DNM3: variants seen among roughly 807,000 people sequenced by gnomAD.
The protein encoded by DNM3 is dynamin 3, also known as dynamin-3.
Under a neutral mutation model 101.6 loss-of-function variants are expected in DNM3, and 47 were observed. The observed-to-expected ratio is 0.46, with a 90% confidence interval of 0.37 to 0.59. The LOEUF (loss-of-function observed/expected upper bound fraction) is 0.59. Among genes scored for constraint, DNM3 ranks in the 20% least tolerant of loss-of-function variants. The pLI is 0.00. For missense variants in DNM3, 849 were observed against 1,085.7 expected (o/e 0.78, Z 3.06); for synonymous variants, 385 against 387.9 (o/e 0.99, Z 0.09).
rs552539404 is a variant in DNM3 at position 172,411,536 on chromosome 1, A to G, written c.*3695A>G. 1 of 969,460 alleles carries G rather than the reference A, an allele frequency of 1.0e-6. No individual in the cohort carries two copies. Among genetic ancestry groups the G allele is most frequent in the African/African-American group, 1.8e-5 (1 of 55,864 alleles). The allele number at this position is 969,460 out of a possible 1,614,324, so 60.1% of individuals were successfully genotyped here. A position where few individuals can be genotyped will look rare whatever the true frequency, so the allele number is the denominator to read the frequency against. On this transcript the variant is annotated 3_prime_UTR_variant, in exon 21 of 21. Coordinates refer to ENST00000627582, the MANE Select transcript of DNM3 (RefSeq NM_015569.5). ...ATAGTCATTTTTCCTCTATGGTAGA[A>G]GTAAAAAAAAAAAAAAAGGACATAG...
At chr1:172,286,399 G>A (rs2063703460) in intron 15 of DNM3, among the ~76,000 whole-genome samples, 2 of 151,860 alleles carry the variant, frequency 1.3e-5, no homozygotes, top group Admixed American at 6.6e-5. Context: ...TCATTGCTTT[G>A]CGCTAAATGA....
intron 14 of DNM3, among the ~76,000 whole-genome samples, chr1:172,218,959 G>A (rs1379138866): frequency 6.6e-6 from 1 of 152,104 alleles, no homozygotes; most frequent in Non-Finnish European, 1.5e-5. Context: ...TCATGTGCAT[G>A]CATTATTAAT....
chr1:172,009,038 A>AAATTTATATATTATATAATATATTATATG (rs1558413730), intron 4 of DNM3, among the ~76,000 whole-genome samples: 8 of 131,614 alleles, frequency 6.1e-5, no homozygotes, highest in African/African-American at 2.3e-4. Context: ...TATACAATAT[A>AAATTTATATATTATATAATATATTATATG]TATTTATATA....
At chr1:171,875,998 A>G (rs1352741051) in intron 1 of DNM3, among the ~76,000 whole-genome samples, 1 of 151,608 alleles carries the variant, frequency 6.6e-6, no homozygotes, top group Admixed American at 6.6e-5. Context: ...TTTAGTAGAG[A>G]CGGAGTTTTA....
rs546166949 is a variant in DNM3 at position 171,917,993 on chromosome 1, A to C, written c.162-3755A>C. 8.5e-5 allele frequency among the ~76,000 whole-genome samples: 13 copies of C among 152,304 alleles called. No individual in the cohort carries two copies. In the South Asian group the frequency reaches 2.7e-3, roughly 32 times the overall value. On this transcript the variant is annotated intron_variant, in intron 1 of 20. Coordinates refer to ENST00000627582, the MANE Select transcript of DNM3 (RefSeq NM_015569.5). ...TGAACTATTCAATATTGTTCGTGTCAGTGCTTTGGCTCCCTGTTGCTGAAG... is the reference window on the plus strand; with the variant it reads ...TGAACTATTCAATATTGTTCGTGTCCGTGCTTTGGCTCCCTGTTGCTGAAG...
intron 14 of DNM3, among the ~76,000 whole-genome samples, chr1:172,240,552 T>C (rs1468791912): frequency 1.3e-5 from 2 of 152,138 alleles, no homozygotes; most frequent in Non-Finnish European, 2.9e-5. Context: ...AAACATATGG[T>C]ATATTTAGCC....
At chr1:172,372,680 T>C (rs2068403116) in intron 17 of DNM3, among the ~76,000 whole-genome samples, 4 of 138,078 alleles carry the variant, frequency 2.9e-5, no homozygotes, top group South Asian at 2.4e-4. Flanking sequence ...ATTAATTTTT[T>C]TTTTTTTTTT....
At chr1:172,052,519 T>C (rs2050278740) in intron 10 of DNM3, among the ~76,000 whole-genome samples, 1 of 152,210 alleles carries the variant, frequency 6.6e-6, no homozygotes, top group Admixed American at 6.5e-5. Flanking sequence ...CATCTCCAGT[T>C]AATTCCTCAA....
chr1:171,926,084 A>G (rs1026453653), intron 2 of DNM3, among the ~76,000 whole-genome samples: 1 of 152,162 alleles, frequency 6.6e-6, no homozygotes, highest in Non-Finnish European at 1.5e-5. Flanking sequence ...TACAAGTACC[A>G]TGCTGTTTTG....
At chr1:172,328,446 A>G (rs2066032907) in intron 17 of DNM3, among the ~76,000 whole-genome samples, 1 of 152,200 alleles carries the variant, frequency 6.6e-6, no homozygotes, top group Admixed American at 6.5e-5. Flanking sequence ...ATGCAGCCAT[A>G]AAAAAGAATG....
At chr1:172,078,372 A>G (rs112282874) in intron 11 of DNM3, among the ~76,000 whole-genome samples, 4 of 151,796 alleles carry the variant, frequency 2.6e-5, no homozygotes, top group Non-Finnish European at 5.9e-5. Flanking sequence ...GATTACAGGC[A>G]TGAGCCACTG....
chr1:172,410,180 A>G lies in DNM3; in HGVS notation c.*2339A>G. On this transcript the variant is annotated 3_prime_UTR_variant, in exon 21 of 21. Coordinates refer to ENST00000627582, the MANE Select transcript of DNM3 (RefSeq NM_015569.5). ...TTTTAATTTGCTGCAGTACTATGTC[A>G]TATTATTAGTATGAATCTCATTTCC... 1 of 985,348 alleles carries G rather than the reference A, an allele frequency of 1.0e-6. No homozygotes were observed. Among genetic ancestry groups the G allele is most frequent in the Non-Finnish European group, 1.2e-6 (1 of 829,866 alleles). 61.0% of individuals were successfully genotyped at this position (985,348 alleles called of 1,614,324 possible).
intron 4 of DNM3, among the ~76,000 whole-genome samples, chr1:172,011,161 G>A (rs1370001132): frequency 1.3e-5 from 2 of 151,732 alleles, no homozygotes; most frequent in Non-Finnish European, 2.9e-5. Context: ...AACCTTTCTG[G>A]TGTCTCTAAT....
At chr1:172,314,240 T>G (rs1253065540) in intron 16 of DNM3, among the ~76,000 whole-genome samples, 2 of 152,124 alleles carry the variant, frequency 1.3e-5, no homozygotes, top group Non-Finnish European at 2.9e-5. Flanking sequence ...AAAGAAAATG[T>G]GGCACAGGGG....
At chr1:172,382,296 T>C (rs1202233249) in intron 18 of DNM3, among the ~76,000 whole-genome samples, 2 of 152,156 alleles carry the variant, frequency 1.3e-5, no homozygotes, top group African/African-American at 2.4e-5. Context: ...TAACACCCCA[T>C]GGTAAGCCCA....
At chr1:172,073,284 T>A (rs1195592438) in intron 11 of DNM3, among the ~76,000 whole-genome samples, 3 of 133,942 alleles carry the variant, frequency 2.2e-5, no homozygotes, top group Non-Finnish European at 5.2e-5. Flanking sequence ...CTTATATGTA[T>A]ATATACACAT....
rs189283180 is a variant in DNM3, at chr1:172,275,677, A to T, written c.1769+21995A>T. 1.3e-3 allele frequency among the ~76,000 whole-genome samples: 191 copies of T among 152,182 alleles called. No individual in the cohort carries two copies. The Middle Eastern group carries it at 0.014, about 11-fold the overall frequency. On this transcript the variant is annotated intron_variant, in intron 15 of 20. Transcript: ENST00000627582. ...CAGCCCATGGAAACACACATAGTGT[A>T]CTCAAGCCAGAAGTTCTGAGAAAGC...
Position 172,338,838 on chromosome 1 carries a change from A to C in DNM3, c.1893+15498A>C, listed in dbSNP as rs772736430. On this transcript the variant is annotated intron_variant, in intron 17 of 20. Coordinates refer to ENST00000627582, the MANE Select transcript of DNM3 (RefSeq NM_015569.5). ...AACCTAAGTGTATAATCAATCCTTC[A>C]TTATGGTTTTAAATCCAGAATGAAA... The C allele has an allele frequency of 8.3e-6, 4 of 479,462 alleles. No homozygotes were observed. The East Asian group carries it at 2.3e-4, about 27-fold the overall frequency. The allele number at this position is 479,462 out of a possible 1,614,324, so 29.7% of individuals were successfully genotyped here.
intron 4 of DNM3, among the ~76,000 whole-genome samples, chr1:172,021,117 A>G (rs2047821892): frequency 6.6e-6 from 1 of 152,202 alleles, no homozygotes; most frequent in Non-Finnish European, 1.5e-5. Flanking sequence ...TTGGGATGGA[A>G]TGATTTCCAA....
Sources: allele counts gnomAD v4.1 joint callset (sites outside exome capture counted in the v4.1 genomes callset), GRCh38; gene constraint gnomAD v4.1.1; transcripts MANE v1.5; gene names NCBI Gene and HGNC (gene_info 2026-07-23, HGNC 2026-07-21).